OR1F1: variants seen among roughly 807,000 people sequenced by gnomAD.
OR1F1 encodes the protein olfactory receptor 1F1.
For synonymous variants in OR1F1, 184 were observed against 156.7 expected, an observed-to-expected ratio of 1.17 and a Z score of -1.30; for missense variants, 493 against 376.3, an observed-to-expected ratio of 1.31 and a Z score of -2.57.
chr16:3,204,694 G>A lies in OR1F1; in HGVS notation c.448G>A (p.Val150Met), dbSNP rs769942662. ...TGCCCTGCTGGTTGCTGGATTATGG[G>A]TGGTTGCCAACCTGAATGTCCTTCT... The change falls in exon 1 of 1, where the codon GTG becomes ATG. Residue 150 changes from valine (V) to methionine (M), a missense_variant. By Grantham distance (21) the Val-to-Met change is conservative. Coordinates refer to ENST00000304646, the Ensembl canonical transcript of OR1F1. 48 of 1,614,106 alleles carry A rather than the reference G, an allele frequency of 3.0e-5. No individual in the cohort carries two copies. The South Asian group carries it at 3.5e-4, about 12-fold the overall frequency.
At chr16:3,199,155 T>G in the OR1F1 span, among the ~76,000 whole-genome samples, 1 of 101,624 alleles carries the variant, frequency 9.8e-6, no homozygotes. Flanking sequence ...AAAAAAAAAT[T>G]ACCTGAACAT....
At chr16:3,200,346 A>G (rs928417584), upstream of OR1F1, among the ~76,000 whole-genome samples, 7 of 152,204 alleles carry the variant, frequency 4.6e-5, no homozygotes, top group African/African-American at 1.7e-4. Flanking sequence ...ATGGTGGCGC[A>G]TGCCTGTAAT....
chr16:3,192,014 C>T, the OR1F1 span, among the ~76,000 whole-genome samples: 5 of 152,178 alleles, frequency 3.3e-5, no homozygotes, highest in Admixed American at 6.5e-5. Context: ...GGGTATGATT[C>T]TCGCTTAGGA....
At chr16:3,204,513 T>A (rs1183407702) in exon 1 of OR1F1, 6 of 1,614,218 alleles carry the variant, frequency 3.7e-6, no homozygotes, top group Non-Finnish European at 5.1e-6. Flanking sequence ...TACTCGAGAC[T>A]CAGACCATCT....
chr16:3,191,325 A>G, the OR1F1 span: 3 of 152,186 alleles, frequency 2.0e-5, no homozygotes, highest in Non-Finnish European at 2.9e-5. Context: ...CATTTATGGG[A>G]GATCGCAGAG....
chr16:3,189,130 G>A, the OR1F1 span, among the ~76,000 whole-genome samples: 6 of 152,230 alleles, frequency 3.9e-5, no homozygotes, highest in Admixed American at 1.3e-4. Context: ...AGGGAGGACC[G>A]GAGCCGGAGA....
chr16:3,203,822 T>C (rs1423836624), upstream of OR1F1, among the ~76,000 whole-genome samples: 1 of 152,202 alleles, frequency 6.6e-6, no homozygotes, highest in Non-Finnish European at 1.5e-5. Flanking sequence ...TTGTCAGGAC[T>C]TAAAGCCTCA....
exon 1 of OR1F1, chr16:3,204,579 C>A (rs138114408): frequency 3.7e-6 from 6 of 1,614,162 alleles, no homozygotes; most frequent in Non-Finnish European, 5.1e-6. Flanking sequence ...TGGACATGGA[C>A]AATTTCCTCC....
chr16:3,190,479 C>T, the OR1F1 span, among the ~76,000 whole-genome samples: 2 of 152,170 alleles, frequency 1.3e-5, no homozygotes, highest in East Asian at 3.9e-4. Flanking sequence ...GGCAGGGAGG[C>T]AGGGCTCACG....
At chr16:3,199,932 C>T (rs536993564), upstream of OR1F1, among the ~76,000 whole-genome samples, 8 of 151,874 alleles carry the variant, frequency 5.3e-5, no homozygotes, top group African/African-American at 1.4e-4. Context: ...AGGAGAATCG[C>T]TTGAACCCAG....
chr16:3,206,260 C>T (rs548424921), downstream of OR1F1, among the ~76,000 whole-genome samples: 141 of 152,290 alleles, frequency 9.3e-4, no homozygotes, highest in African/African-American at 3.2e-3. Context: ...AGATTCTCTG[C>T]TCTTGAACCC....
the OR1F1 span, chr16:3,189,945 T>G: frequency 6.6e-6 from 1 of 152,320 alleles, no homozygotes; most frequent in African/African-American, 2.4e-5. Context: ...TTTTTGGTGG[T>G]TTTTGTTTTG....
the OR1F1 span, among the ~76,000 whole-genome samples, chr16:3,195,245 G>C: frequency 6.6e-6 from 1 of 152,130 alleles, no homozygotes; most frequent in South Asian, 2.1e-4. Context: ...TAAAAAGACA[G>C]GTAACTCATT....
At chr16:3,193,471 G>C in the OR1F1 span, among the ~76,000 whole-genome samples, 1 of 152,372 alleles carries the variant, frequency 6.6e-6, no homozygotes, top group South Asian at 2.1e-4. Context: ...GAAACCACGC[G>C]GGAGAGGATA....
At chr16:3,196,651 G>C in the OR1F1 span, among the ~76,000 whole-genome samples, 14 of 150,954 alleles carry the variant, frequency 9.3e-5, no homozygotes, top group Non-Finnish European at 1.2e-4. Context: ...GCCTCCCAAA[G>C]TGCTGGGATT....
At chr16:3,188,879 T>G in the OR1F1 span, among the ~76,000 whole-genome samples, 1 of 151,890 alleles carries the variant, frequency 6.6e-6, no homozygotes, top group Admixed American at 6.6e-5. Context: ...GGACTGGAGG[T>G]CCCGCCAGCT....
At chr16:3,197,658 A>G in the OR1F1 span, among the ~76,000 whole-genome samples, 1 of 182 alleles carries the variant, frequency 5.5e-3, no homozygotes, top group Non-Finnish European at 0.016. Flanking sequence ...TCTGACTACA[A>G]GCTTAAATGG....
the OR1F1 span, among the ~76,000 whole-genome samples, chr16:3,198,551 C>T: frequency 6.6e-6 from 1 of 152,114 alleles, no homozygotes; most frequent in East Asian, 1.9e-4. Flanking sequence ...TCTCCTGGGC[C>T]TGGTCTATGT....
chr16:3,191,403 G>A, the OR1F1 span: 1 of 152,238 alleles, frequency 6.6e-6, no homozygotes, highest in African/African-American at 2.4e-5. Flanking sequence ...GGGACCCCCA[G>A]TGTGCCCTGG....
Sources: gnomAD v4.1 joint callset for allele counts (sites outside exome capture counted in the v4.1 genomes callset) on GRCh38, gnomAD v4.1.1 for gene constraint, MANE v1.5 for transcripts, NCBI Gene and HGNC (gene_info 2026-07-23, HGNC 2026-07-21) for gene names.